KYAT3: variants seen among roughly 807,000 people sequenced by gnomAD.
KYAT3 encodes the protein kynurenine--oxoglutarate transaminase 3.
Under a neutral mutation model 59.0 loss-of-function variants are expected in KYAT3, and 50 were observed. The ratio of observed to expected loss-of-function variants is 0.85; its 90% CI spans 0.68 to 1.07. KYAT3 has a LOEUF of 1.07. KYAT3 is among the 50% of genes least tolerant of loss of function. The pLI, the probability that KYAT3 is intolerant of heterozygous loss-of-function variation, is 0.00. For missense variants in KYAT3, 497 were observed against 533.3 expected (o/e 0.93, Z 0.67); for synonymous variants, 148 against 177.0 (o/e 0.84, Z 1.30).
At chr1:88,932,273 A>G (rs1570762305), downstream of KYAT3, among the ~76,000 whole-genome samples, 1 of 152,310 alleles carries the variant, frequency 6.6e-6, no homozygotes, top group African/African-American at 2.4e-5. Context: ...TTGCCATATG[A>G]TATTCCACTG....
At chr1:88,942,957 T>G (rs753620028) in intron 13 of KYAT3, 48 bp downstream of exon 13, 1 of 1,255,386 alleles carries the variant, frequency 8.0e-7, no homozygotes, top group Admixed American at 1.9e-5. Context: ...CTTTAAAAAT[T>G]GAAATGAAGA....
chr1:88,978,903 C>T (rs1189709466), intron 2 of KYAT3, among the ~76,000 whole-genome samples: 1 of 151,520 alleles, frequency 6.6e-6, no homozygotes, highest in Non-Finnish European at 1.5e-5. Flanking sequence ...AATCCTCTTG[C>T]CTTGGCCTCT....
chr1:88,973,030 C>T (rs771641700), intron 2 of KYAT3, among the ~76,000 whole-genome samples: 3 of 152,104 alleles, frequency 2.0e-5, no homozygotes, highest in Admixed American at 6.6e-5. Flanking sequence ...AGGTCATTAG[C>T]GTGAACCCTA....
chr1:88,971,520 C>T (rs1264345192), intron 2 of KYAT3, among the ~76,000 whole-genome samples: 3 of 152,088 alleles, frequency 2.0e-5, no homozygotes, highest in Non-Finnish European at 4.4e-5. Context: ...CTTTCCTAGT[C>T]ATCTTCCCTC....
rs902687207 is a variant in KYAT3, at chr1:88,936,108, T to A, written c.*75A>T. Reference sequence around the variant, plus strand: ...AGTTGTACTGAAATACCTTTTAACATCCAGCAGGTGGCAGCACTAAGTAAC... The same window carrying A: ...AGTTGTACTGAAATACCTTTTAACAACCAGCAGGTGGCAGCACTAAGTAAC... On this transcript the variant is annotated 3_prime_UTR_variant, in exon 14 of 14. Coordinates refer to ENST00000260508, the MANE Select transcript of KYAT3 (RefSeq NM_001008661.3). The A allele has an allele frequency of 3.2e-6, 3 of 944,904 alleles. No homozygotes were observed. The highest frequency in any genetic ancestry group is 2.5e-5 in the East Asian group (1 of 40,688). The allele number at this position is 944,904 out of a possible 1,614,324, so 58.5% of individuals were successfully genotyped here.
chr1:88,944,481 A>G (rs1156378074), intron 11 of KYAT3, among the ~76,000 whole-genome samples: 1 of 152,214 alleles, frequency 6.6e-6, no homozygotes, highest in Non-Finnish European at 1.5e-5. Flanking sequence ...AACAAACTGC[A>G]ATTTATTGAA....
intron 2 of KYAT3, chr1:88,983,217 C>T (rs768867558): frequency 6.2e-6 from 10 of 1,613,028 alleles, no homozygotes; most frequent in Non-Finnish European, 8.5e-6. Context: ...AAATAAACAT[C>T]TCTACGAGAG....
chr1:88,988,406 C>G (rs918725468), intron 1 of KYAT3, 55 bp from the exon 2 acceptor site: 12 of 951,054 alleles, frequency 1.3e-5, no homozygotes, highest in Non-Finnish European at 2.0e-5. Context: ...GGGTACATCA[C>G]TATCAGACAC....
chr1:88,931,987 C>A (rs1674919681), downstream of KYAT3, among the ~76,000 whole-genome samples: 1 of 144,292 alleles, frequency 6.9e-6, no homozygotes, highest in Non-Finnish European at 1.5e-5. Flanking sequence ...TCTCTTGAAT[C>A]ACCCAGACAT....
In KYAT3 at chr1:88,968,703, T is replaced by C. The variant is rs147159278; in HGVS notation, c.270A>G (p.Ala90=). 73 of 1,594,626 alleles carry C rather than the reference T, an allele frequency of 4.6e-5. No homozygotes were observed. The highest frequency in any genetic ancestry group is 5.6e-5 in the Non-Finnish European group (66 of 1,174,934). Residue 90 remains alanine, a synonymous_variant, in exon 4 of 14, where the codon GCA becomes GCG. Coordinates refer to ENST00000260508, the MANE Select transcript of KYAT3 (RefSeq NM_001008661.3). ...GTGTATACTGATTCAGGCTATCGAT[T>C]GCTGCAATCTTTGATAATTCTTCTT... ...YVKEELSKIA[A]IDSLNQYTRG... is the part of the protein sequence containing the mutation.
At chr1:88,932,921 C>G (rs969375625), downstream of KYAT3, among the ~76,000 whole-genome samples, 14 of 152,296 alleles carry the variant, frequency 9.2e-5, no homozygotes, top group African/African-American at 3.1e-4. Flanking sequence ...TACTCTCCCC[C>G]TTGGTTATTC....
the KYAT3 span, among the ~76,000 whole-genome samples, chr1:88,929,287 C>T: frequency 3.3e-3 from 497 of 152,206 alleles, 2 homozygotes; most frequent in Non-Finnish European, 5.1e-3. Context: ...AGTGCAAGAT[C>T]TCAGGATTAT....
intron 2 of KYAT3, among the ~76,000 whole-genome samples, chr1:88,978,809 C>A (rs1339722291): frequency 8.1e-6 from 1 of 123,832 alleles, no homozygotes; most frequent in Non-Finnish European, 1.8e-5. Flanking sequence ...CCATGCCCGG[C>A]CTTAATTTTT....
the KYAT3 span, chr1:88,923,965 T>C: frequency 4.9e-5 from 8 of 162,392 alleles, no homozygotes; most frequent in South Asian, 1.7e-4. Flanking sequence ...TTTTCTCTTA[T>C]GGCAGAATTC....
At chr1:88,946,710 T>C (rs887577616) in intron 11 of KYAT3, among the ~76,000 whole-genome samples, 2 of 152,136 alleles carry the variant, frequency 1.3e-5, no homozygotes, top group Non-Finnish European at 2.9e-5. Context: ...TTAGACTCAA[T>C]ATAGAAAAAG....
chr1:88,955,108 A>C, intron 9 of KYAT3, 41 bp downstream of exon 9: 5 of 1,233,052 alleles, frequency 4.1e-6, no homozygotes, highest in Non-Finnish European at 6.0e-6. Context: ...TAAATAATAT[A>C]CAGGCCTATT....
intron 2 of KYAT3, 119 bp downstream of exon 2, chr1:88,988,133 T>C (rs1485838592): frequency 3.2e-6 from 2 of 634,190 alleles, no homozygotes; most frequent in Non-Finnish European, 5.5e-6. Context: ...ACCTTCAGCA[T>C]ATGTAATAGA....
At chr1:88,992,912 C>A (rs965907483), upstream of KYAT3, 2 of 150,812 alleles carry the variant, frequency 1.3e-5, no homozygotes, top group East Asian at 3.9e-4. Flanking sequence ...TGGGGTCCGC[C>A]GCGATCGCGG....
intron 1 of KYAT3, among the ~76,000 whole-genome samples, chr1:88,990,223 T>A (rs190747281): frequency 6.6e-6 from 1 of 152,296 alleles, no homozygotes; most frequent in East Asian, 1.9e-4. Flanking sequence ...CACTGATTAT[T>A]ACCTCTTTAC....
Sources: allele counts gnomAD v4.1 joint callset (sites outside exome capture counted in the v4.1 genomes callset), GRCh38; gene constraint gnomAD v4.1.1; transcripts MANE v1.5; gene names NCBI Gene and HGNC (gene_info 2026-07-23, HGNC 2026-07-21).